The following ARHGAP39 variants were observed in gnomAD, a reference collection of about 807,000 sequenced individuals.
The protein encoded by ARHGAP39 is Rho GTPase activating protein 39.
A neutral mutation model predicts 106.9 loss-of-function variants in ARHGAP39; 44 were observed. That is an observed-to-expected ratio of 0.41 (90% CI 0.32 to 0.53). The LOEUF (loss-of-function observed/expected upper bound fraction) is 0.53, where lower values mean the gene tolerates loss of function less well. ARHGAP39 is among the 20% of genes least tolerant of loss of function. The probability of loss-of-function intolerance (pLI) is 0.21; values close to 1 mark genes in which losing one functional copy is unlikely to be tolerated. For missense variants in ARHGAP39, 1,496 were observed against 1,577.3 expected (o/e 0.95, Z 0.87); for synonymous variants, 768 against 693.2 (o/e 1.11, Z -1.69).
At chr8:144,606,601 G>A (rs1395352164) in intron 1 of ARHGAP39, among the ~76,000 whole-genome samples, 1 of 151,966 alleles carries the variant, frequency 6.6e-6, no homozygotes, top group Non-Finnish European at 1.5e-5. Context: ...TTAAGAGAAG[G>A]AGGAGGAGAA....
At chr8:144,616,187 C>T (rs1820631268) in intron 1 of ARHGAP39, among the ~76,000 whole-genome samples, 2 of 152,246 alleles carry the variant, frequency 1.3e-5, no homozygotes, top group Admixed American at 1.3e-4. Context: ...TGACAAGTTC[C>T]TGAGAGAGGC....
At chr8:144,613,378 T>C (rs944061172) in intron 1 of ARHGAP39, among the ~76,000 whole-genome samples, 3 of 152,228 alleles carry the variant, frequency 2.0e-5, no homozygotes, top group African/African-American at 7.2e-5. Context: ...CTGTAACATT[T>C]CTTTCAGTGA....
chr8:144,601,750 T>TGCGA (rs1819969813), intron 2 of ARHGAP39, among the ~76,000 whole-genome samples: 2 of 141,994 alleles, frequency 1.4e-5, no homozygotes, highest in African/African-American at 2.7e-5. Flanking sequence ...GAGGCGTGTG[T>TGCGA]GCTCGTGAAC....
At chr8:144,676,417 G>C (rs779333110) in intron 1 of ARHGAP39, among the ~76,000 whole-genome samples, 1 of 150,722 alleles carries the variant, frequency 6.6e-6, no homozygotes, top group South Asian at 2.1e-4. Context: ...GCTAGACACG[G>C]GTGCTGCTGA....
At chr8:144,678,225 A>ATACCGCTGCACTGAGCTGTGATCG (rs1822293956) in intron 1 of ARHGAP39, among the ~76,000 whole-genome samples, 9 of 152,134 alleles carry the variant, frequency 5.9e-5, no homozygotes, top group Admixed American at 5.9e-4. Context: ...AGCTGTGATC[A>ATACCGCTGCACTGAGCTGTGATCG]TACCACTGCA....
chr8:144,600,391 TGGA>T (rs1186084963), intron 2 of ARHGAP39, among the ~76,000 whole-genome samples: 1 of 140,800 alleles, frequency 7.1e-6, no homozygotes, highest in East Asian at 2.3e-4. Context: ...CCTGCGTGTG[TGGA>T]GGCGTGTGTG....
chr8:144,602,440 G>A (rs1820047647), intron 2 of ARHGAP39, among the ~76,000 whole-genome samples: 1 of 145,092 alleles, frequency 6.9e-6, no homozygotes, highest in Non-Finnish European at 1.5e-5. Flanking sequence ...TGTGCATGGA[G>A]TTGTGCGTGC....
At chr8:144,692,020 A>T in the ARHGAP39 span, among the ~76,000 whole-genome samples, 2 of 152,156 alleles carry the variant, frequency 1.3e-5, no homozygotes, top group East Asian at 3.9e-4. Flanking sequence ...GAAGCTACAC[A>T]GGCTCCTAAA....
chr8:144,661,442 A>G (rs890723696), intron 1 of ARHGAP39, among the ~76,000 whole-genome samples: 1 of 152,152 alleles, frequency 6.6e-6, no homozygotes, highest in Non-Finnish European at 1.5e-5. Flanking sequence ...TCTTGGGCCC[A>G]TGCTTACCTG....
intron 1 of ARHGAP39, among the ~76,000 whole-genome samples, chr8:144,623,293 T>C (rs1005494794): frequency 1.3e-5 from 2 of 152,098 alleles, no homozygotes; most frequent in African/African-American, 4.8e-5. Flanking sequence ...GGTCCTCAAA[T>C]GACAGAGTAC....
intron 8 of ARHGAP39, among the ~76,000 whole-genome samples, 193 bp downstream of exon 8, chr8:144,533,936 C>A (rs1046463087): frequency 1.3e-5 from 2 of 152,098 alleles, no homozygotes; most frequent in Non-Finnish European, 2.9e-5. Flanking sequence ...CCAGGAAGAG[C>A]CCCCGGGGGA....
intron 4 of ARHGAP39, among the ~76,000 whole-genome samples, chr8:144,551,735 AG>A (rs1460625780): frequency 6.6e-6 from 1 of 151,086 alleles, no homozygotes; most frequent in Non-Finnish European, 1.5e-5. Context: ...TCCAGTCTCC[AG>A]GCCCCACCGA....
intron 1 of ARHGAP39, among the ~76,000 whole-genome samples, chr8:144,626,781 T>C (rs1251051575): frequency 3.3e-5 from 5 of 152,226 alleles, no homozygotes; most frequent in Middle Eastern, 3.4e-3. Context: ...CTGGGCAGCT[T>C]CCCTCCCCTC....
At chr8:144,609,397 CTT>C (rs779442641) in intron 1 of ARHGAP39, among the ~76,000 whole-genome samples, 2 of 121,326 alleles carry the variant, frequency 1.6e-5, no homozygotes, top group African/African-American at 6.3e-5. Context: ...ATGTATTGTC[CTT>C]TTTTTTTTTT....
intron 3 of ARHGAP39, among the ~76,000 whole-genome samples, chr8:144,564,186 G>A (rs1214084162): frequency 1.3e-5 from 2 of 152,212 alleles, no homozygotes; most frequent in Non-Finnish European, 2.9e-5. Context: ...AGACATTTTT[G>A]CAGATGAAGC....
At chr8:144,638,079 C>T (rs537384830) in intron 1 of ARHGAP39, among the ~76,000 whole-genome samples, 8 of 152,222 alleles carry the variant, frequency 5.3e-5, no homozygotes, top group Admixed American at 3.9e-4. Flanking sequence ...TGGTAGTAAA[C>T]TCTGTTTTAT....
intron 3 of ARHGAP39, among the ~76,000 whole-genome samples, chr8:144,558,304 G>A (rs1355171659): frequency 6.6e-6 from 1 of 151,696 alleles, no homozygotes; most frequent in Non-Finnish European, 1.5e-5. Flanking sequence ...TGTTTGGCTG[G>A]GGGATGGAGT....
intron 2 of ARHGAP39, among the ~76,000 whole-genome samples, chr8:144,588,936 G>T (rs972399559): frequency 1.3e-5 from 2 of 152,264 alleles, no homozygotes; most frequent in Non-Finnish European, 2.9e-5. Context: ...GGCCGTGCAG[G>T]TCACCAAATG....
In ARHGAP39 at chr8:144,604,149, A is replaced by C. The variant is rs1331170505; in HGVS notation, c.80+1386T>G. 6.6e-6 allele frequency among the ~76,000 whole-genome samples: 1 copy of C among 152,144 alleles called. No individual in the cohort carries two copies. Among genetic ancestry groups the C allele is most frequent in the African/African-American group, 2.4e-5 (1 of 41,402 alleles). Reference sequence around the variant, plus strand: ...AGACCAACCACACAGGGAGGCACAAAGCATCAGACACGGAGCCGGGCCCAG... The same window carrying C: ...AGACCAACCACACAGGGAGGCACAACGCATCAGACACGGAGCCGGGCCCAG... On this transcript the variant is annotated intron_variant, in intron 2 of 11. Coordinates refer to ENST00000377307, the MANE Select transcript of ARHGAP39 (RefSeq NM_025251.3). The surrounding 1 kb of genome is among the most constrained non-coding windows in gnomAD (Gnocchi z 4.1).
Sources: gnomAD v4.1 joint callset for allele counts (sites outside exome capture counted in the v4.1 genomes callset) on GRCh38, gnomAD v4.1.1 for gene constraint, Gnocchi (gnomAD v3.1) non-coding constraint, MANE v1.5 for transcripts, NCBI Gene and HGNC (gene_info 2026-07-23, HGNC 2026-07-21) for gene names.